The following EBF3 variants were observed in gnomAD, a reference collection of about 807,000 sequenced individuals.
EBF3 encodes EBF transcription factor 3, also known as transcription factor COE3.
Under a neutral mutation model 77.1 loss-of-function variants are expected in EBF3, and 18 were observed. The observed-to-expected ratio is 0.23, with a 90% CI of 0.16 to 0.35. EBF3 has a LOEUF of 0.35. Ranked by LOEUF, EBF3 falls within the 10% of genes least tolerant of loss-of-function variation. EBF3 has a pLI of 1.00. For missense variants in EBF3, 558 were observed against 860.0 expected (o/e 0.65, Z 4.39); for synonymous variants, 350 against 343.5 (o/e 1.02, Z -0.21).
chr10:129,846,936 C>A (rs1292661157), intron 11 of EBF3, among the ~76,000 whole-genome samples: 1 of 152,110 alleles, frequency 6.6e-6, no homozygotes, highest in African/African-American at 2.4e-5. Flanking sequence ...AGAAGCCCTT[C>A]CCTGGAGGGC....
chr10:129,866,070 C>T (rs1246464288), intron 10 of EBF3, among the ~76,000 whole-genome samples: 1 of 152,212 alleles, frequency 6.6e-6, no homozygotes, highest in Non-Finnish European at 1.5e-5. Flanking sequence ...AATGTCACAG[C>T]CTTTGGAGTT....
chr10:129,896,474 C>G (rs993474029), intron 6 of EBF3, among the ~76,000 whole-genome samples: 1 of 152,248 alleles, frequency 6.6e-6, no homozygotes, highest in Admixed American at 6.5e-5. Context: ...TTCCTGGCCC[C>G]TCCGAGCAGC....
At chr10:129,851,011 G>C (rs1850841175) in intron 10 of EBF3, among the ~76,000 whole-genome samples, 1 of 152,362 alleles carries the variant, frequency 6.6e-6, no homozygotes, top group Non-Finnish European at 1.5e-5. Flanking sequence ...TCCAGTCACA[G>C]AGCCCCGAGC....
intron 6 of EBF3, among the ~76,000 whole-genome samples, chr10:129,910,845 G>T (rs1855479901): frequency 1.3e-5 from 2 of 152,172 alleles, no homozygotes; most frequent in Admixed American, 1.3e-4. Context: ...CCTCTGCATG[G>T]TCACGTGGTC....
chr10:129,848,303 C>T lies in EBF3; in HGVS notation c.1128+89G>A, dbSNP rs1850618418. ...CAGAGTTTGGGGAATCTGCAATCCC[C>T]CCTTCCCAGAGCACCTGCTGCCCCC... On this transcript the variant is annotated intron_variant, in intron 11 of 16. Coordinates refer to ENST00000440978, the MANE Select transcript of EBF3 (RefSeq NM_001375380.1). This position sits in a 1 kb window ranked among gnomAD's most constrained non-coding sequence, Gnocchi z 4.4. The T allele has an allele frequency of 1.5e-6, 2 of 1,343,236 alleles. No homozygotes were observed. Among genetic ancestry groups the T allele is most frequent in the South Asian group, 1.2e-5 (1 of 85,472 alleles). 83.2% of individuals were successfully genotyped at this position (1,343,236 alleles called of 1,614,324 possible). A position where few individuals can be genotyped will look rare whatever the true frequency, so the allele number is the denominator to read the frequency against.
chr10:129,961,547 A>G (rs1372647963), intron 4 of EBF3, among the ~76,000 whole-genome samples: 1 of 152,226 alleles, frequency 6.6e-6, no homozygotes, highest in Non-Finnish European at 1.5e-5. Flanking sequence ...TATGTTATTT[A>G]CAAGGTATGA....
At chr10:129,878,839 A>AAAAAAAAAAG (rs1564849972) in intron 6 of EBF3, among the ~76,000 whole-genome samples, 1 of 146,836 alleles carries the variant, frequency 6.8e-6, no homozygotes, top group African/African-American at 2.5e-5. Context: ...AAAAAAAAAA[A>AAAAAAAAAAG]AAAAAAATCT....
chr10:129,886,766 G>C (rs1410718995), intron 6 of EBF3, among the ~76,000 whole-genome samples: 1 of 152,060 alleles, frequency 6.6e-6, no homozygotes. Flanking sequence ...GTCTGCAGGG[G>C]AGTTAGCTCC....
chr10:129,864,819 G>A lies in EBF3; in HGVS notation c.1039+2322C>T, dbSNP rs1342034854. ...GGCTCACAAGCAATAATCAACACCCGCTTTCCTAAGGAGCTCAGGACTCGA... is the reference window on the plus strand; with the variant it reads ...GGCTCACAAGCAATAATCAACACCCACTTTCCTAAGGAGCTCAGGACTCGA... On this transcript the variant is annotated intron_variant, in intron 10 of 16. Transcript: ENST00000440978. This position sits in a 1 kb window ranked among gnomAD's most constrained non-coding sequence, Gnocchi z 4.4. 3.3e-5 allele frequency among the ~76,000 whole-genome samples: 5 copies of A among 152,182 alleles called. No homozygotes were observed. Among genetic ancestry groups the A allele is most frequent in the Non-Finnish European group, 5.9e-5 (4 of 68,038 alleles).
In EBF3 at chr10:129,877,779, G is replaced by T. The variant is rs779003155; in HGVS notation, c.625C>A (p.Arg209=). The change falls in exon 7 of 17, where the codon CGG becomes AGG. Residue 209 remains arginine (R), a synonymous_variant. Transcript: ENST00000440978. ...TGAGAAATGTATACCTGGAATCTCC[G>T]CATATCTCGAGGGTTGCCTGCATTC... is the stretch of plus-strand genomic sequence containing the variant. ...LKNAGNPRDM[R]RFQVVVSTTV... 2 of 1,613,396 alleles carry T rather than the reference G, an allele frequency of 1.2e-6. No individual in the cohort carries two copies. Among genetic ancestry groups the T allele is most frequent in the East Asian group, 4.5e-5 (2 of 44,864 alleles).
At chr10:129,859,975 C>T (rs1215575773) in intron 10 of EBF3, among the ~76,000 whole-genome samples, 1 of 152,210 alleles carries the variant, frequency 6.6e-6, no homozygotes, top group Admixed American at 6.5e-5. Flanking sequence ...AGGTCCTCTA[C>T]CGACATGTTT....
chr10:129,878,011 C>T (rs1362188800), intron 6 of EBF3, among the ~76,000 whole-genome samples, 162 bp from the exon 7 acceptor site: 1 of 152,086 alleles, frequency 6.6e-6, no homozygotes, highest in Non-Finnish European at 1.5e-5. Flanking sequence ...GGAGAGGCGG[C>T]GAGGAGGCAC....
intron 6 of EBF3, among the ~76,000 whole-genome samples, chr10:129,932,967 C>T (rs923433784): frequency 2.1e-5 from 3 of 142,426 alleles, no homozygotes; most frequent in African/African-American, 7.8e-5. Context: ...TCACTCTTGA[C>T]TGGGTACAGT....
rs540859013 is a variant in EBF3 at position 129,837,938 on chromosome 10, C to T, written c.*5G>A. On this transcript the variant is annotated 3_prime_UTR_variant, in exon 17 of 17. Transcript: ENST00000440978. ...GGTAAACAGAAGTCCCTCACATTGG[C>T]GGGACTACCAGCCCAGACATAGCTG... 7.4e-6 allele frequency: 12 copies of T among 1,614,104 alleles called. No homozygotes were observed. In the African/African-American group the frequency reaches 8.0e-5, roughly 11 times the overall value.
chr10:129,964,206 G>C lies in EBF3; in HGVS notation c.-438C>G, dbSNP rs1859756852. On this transcript the variant is annotated 5_prime_UTR_variant, in exon 1 of 17. Coordinates refer to ENST00000440978, the MANE Select transcript of EBF3 (RefSeq NM_001375380.1). This position sits in a 1 kb window ranked among gnomAD's most constrained non-coding sequence, Gnocchi z 4.5. ...GCAGTCCCGGGCGCAGGCGGGGCGC[G>C]GCGGGGCCTGGAGCGGCGCGCGCAG... 7.1e-6 allele frequency: 7 copies of C among 984,946 alleles called. No individual in the cohort carries two copies. The highest frequency in any genetic ancestry group is 5.2e-4 in the Middle Eastern group (1 of 1,912). The allele number at this position is 984,946 out of a possible 1,614,324, so 61.0% of individuals were successfully genotyped here. A position where few individuals can be genotyped will look rare whatever the true frequency, so the allele number is the denominator to read the frequency against.
chr10:129,853,534 T>A (rs1055480408), intron 10 of EBF3, among the ~76,000 whole-genome samples: 2 of 152,168 alleles, frequency 1.3e-5, no homozygotes, highest in Non-Finnish European at 2.9e-5. Context: ...CATAACTACA[T>A]AATAAGAACA....
intron 6 of EBF3, among the ~76,000 whole-genome samples, chr10:129,934,885 C>T (rs2134444448): frequency 6.6e-6 from 1 of 152,192 alleles, no homozygotes; most frequent in South Asian, 2.1e-4. Context: ...CTTCTAGAAC[C>T]TTCTAGAGCC....
At chr10:129,956,333 G>A (rs1859032336) in intron 6 of EBF3, among the ~76,000 whole-genome samples, 1 of 152,212 alleles carries the variant, frequency 6.6e-6, no homozygotes, top group Non-Finnish European at 1.5e-5. Context: ...CGCAAAACTG[G>A]TGTCATATGT....
At chr10:129,880,430 GACAC>G (rs575237075) in intron 6 of EBF3, among the ~76,000 whole-genome samples, 3 of 151,764 alleles carry the variant, frequency 2.0e-5, no homozygotes, top group East Asian at 1.9e-4. Flanking sequence ...CACACATGCA[GACAC>G]ACACGCGCAT....
Sources: allele counts gnomAD v4.1 joint callset (sites outside exome capture counted in the v4.1 genomes callset), GRCh38; gene constraint gnomAD v4.1.1; non-coding constraint Gnocchi (gnomAD v3.1); transcripts MANE v1.5; gene names NCBI Gene and HGNC (gene_info 2026-07-23, HGNC 2026-07-21).